Variants in VPS53 observed in about 807,000 individuals in gnomAD.
VPS53 encodes vacuolar protein sorting-associated protein 53 homolog.
A neutral mutation model predicts 107.0 loss-of-function variants in VPS53; 70 were observed. The observed-to-expected ratio is 0.65, with a 90% CI of 0.54 to 0.80. VPS53 has a LOEUF of 0.80. Ranked by LOEUF, VPS53 falls within the 30% of genes least tolerant of loss-of-function variation. The pLI, the probability that VPS53 is intolerant of heterozygous loss-of-function variation, is 0.00. For synonymous variants in VPS53, 409 were observed against 393.3 expected (o/e 1.04, Z -0.47); for missense variants, 917 against 1,049.4 (o/e 0.87, Z 1.74).
At chr17:571,127 A>T (rs1033960061) in intron 13 of VPS53, among the ~76,000 whole-genome samples, 1 of 151,868 alleles carries the variant, frequency 6.6e-6, no homozygotes, top group African/African-American at 2.4e-5. Context: ...AGCCCGAGCA[A>T]CATGGTGAGA....
chr17:683,643 T>C (rs142753632), intron 4 of VPS53, among the ~76,000 whole-genome samples: 32 of 152,362 alleles, frequency 2.1e-4, no homozygotes, highest in African/African-American at 7.0e-4. Flanking sequence ...TTACTGTCTT[T>C]ATGTATCCTA....
rs553164443 is a variant in VPS53 at position 698,352 on chromosome 17, G to A, written c.219-868C>T. On this transcript the variant is annotated intron_variant, in intron 3 of 21. Coordinates refer to ENST00000437048, the MANE Select transcript of VPS53 (RefSeq NM_001128159.3). Reference sequence around the variant, plus strand: ...GGTGGCTGAGGCTCAAGAATTGCTCGAACCTGGGAGGTGGAGATTACAGTA... The same window carrying A: ...GGTGGCTGAGGCTCAAGAATTGCTCAAACCTGGGAGGTGGAGATTACAGTA... Among the ~76,000 whole-genome samples the A allele has an allele frequency of 9.3e-5, 14 of 150,904 alleles. No individual in the cohort carries two copies. The South Asian group carries it at 2.5e-3, about 27-fold the overall frequency.
At chr17:599,372 T>C (rs1018736746) in intron 12 of VPS53, among the ~76,000 whole-genome samples, 2 of 152,082 alleles carry the variant, frequency 1.3e-5, no homozygotes, top group African/African-American at 4.8e-5. Flanking sequence ...TAGAGAGAAG[T>C]AGACATGGGA....
chr17:593,040 G>C (rs534487774), intron 12 of VPS53, among the ~76,000 whole-genome samples: 339 of 152,056 alleles, frequency 2.2e-3, no homozygotes, highest in African/African-American at 7.5e-3. Context: ...ACAAACCTGA[G>C]AAAAACAAGA....
intron 11 of VPS53, among the ~76,000 whole-genome samples, chr17:609,971 T>TA (rs879687495): frequency 1.4e-4 from 21 of 146,520 alleles, no homozygotes; most frequent in Non-Finnish European, 2.1e-4. Flanking sequence ...ACTAAAAATA[T>TA]AAAAAAAAAA....
At chr17:605,927 G>A (rs968303501) in intron 11 of VPS53, among the ~76,000 whole-genome samples, 2 of 152,162 alleles carry the variant, frequency 1.3e-5, no homozygotes, top group Non-Finnish European at 2.9e-5. Context: ...ACAGCGAAGT[G>A]ATGTGATCTA....
chr17:584,695 A>T (rs543181163), intron 13 of VPS53, among the ~76,000 whole-genome samples: 19 of 151,970 alleles, frequency 1.3e-4, no homozygotes, highest in African/African-American at 2.4e-4. Context: ...TAGTTTTTTT[A>T]AAAAAATTAT....
intron 7 of VPS53, chr17:632,898 A>C (rs1328570324): frequency 1.3e-5 from 5 of 397,546 alleles, no homozygotes; most frequent in Non-Finnish European, 2.5e-5. Flanking sequence ...AATGAAAAGA[A>C]TGTTTTCTAA....
At chr17:643,494 T>C (rs191471068) in intron 7 of VPS53, among the ~76,000 whole-genome samples, 13 of 100,086 alleles carry the variant, frequency 1.3e-4, no homozygotes, top group South Asian at 3.2e-4. Context: ...TACTTGGAAA[T>C]CAAGGACAAC....
chr17:663,731 CCTT>C (rs1406075596), intron 4 of VPS53, among the ~76,000 whole-genome samples: 1 of 152,198 alleles, frequency 6.6e-6, no homozygotes, highest in Non-Finnish European at 1.5e-5. Flanking sequence ...GTCAGCATCT[CCTT>C]AATTCACTCC....
chr17:615,727 G>A (rs1184190795), intron 11 of VPS53, among the ~76,000 whole-genome samples: 1 of 152,204 alleles, frequency 6.6e-6, no homozygotes, highest in African/African-American at 2.4e-5. Flanking sequence ...AGCCAAAAAG[G>A]AGTTTCCAAA....
At chr17:540,678 G>C (rs1567608820) in intron 17 of VPS53, 1 of 152,132 alleles carries the variant, frequency 6.6e-6, no homozygotes, top group Non-Finnish European at 1.5e-5. Context: ...TTTTGTTTTG[G>C]GGGCTTGGGT....
Position 524,785 on chromosome 17 carries a change from G to C in VPS53, c.2086-3047C>G, listed in dbSNP as rs972753387. Among the ~76,000 whole-genome samples, 11 of 152,204 alleles carry C rather than the reference G, an allele frequency of 7.2e-5. No homozygotes were observed. Among genetic ancestry groups the C allele is most frequent in the African/African-American group, 2.4e-4 (10 of 41,452 alleles). On this transcript the variant is annotated intron_variant, in intron 19 of 21. Coordinates refer to ENST00000437048, the MANE Select transcript of VPS53 (RefSeq NM_001128159.3). The surrounding 1 kb of genome is among the most constrained non-coding windows in gnomAD (Gnocchi z 4.5). ...AATGTACACCGTAATACACCCATCAGAGTCAGAAGTAAACAGGTTGATAAT... is the reference window on the plus strand; with the variant it reads ...AATGTACACCGTAATACACCCATCACAGTCAGAAGTAAACAGGTTGATAAT...
intron 12 of VPS53, among the ~76,000 whole-genome samples, chr17:587,000 T>C (rs372664032): frequency 1.3e-5 from 2 of 152,286 alleles, no homozygotes; most frequent in African/African-American, 4.8e-5. Context: ...TAGAGGATTG[T>C]TAACTTTATT....
chr17:572,653 C>T (rs1347919486), intron 13 of VPS53, among the ~76,000 whole-genome samples: 1 of 151,582 alleles, frequency 6.6e-6, no homozygotes, highest in Non-Finnish European at 1.5e-5. Context: ...AAGAAGTAGA[C>T]ATGGGAAACT....
chr17:692,967 C>G (rs2143874565), intron 4 of VPS53, among the ~76,000 whole-genome samples: 1 of 152,308 alleles, frequency 6.6e-6, no homozygotes, highest in Admixed American at 6.5e-5. Context: ...AATCCCGTCT[C>G]TACTAAAAAT....
intron 12 of VPS53, among the ~76,000 whole-genome samples, chr17:589,165 C>T (rs1445716166): frequency 6.6e-6 from 1 of 151,594 alleles, no homozygotes; most frequent in African/African-American, 2.4e-5. Flanking sequence ...TGTGAATTTA[C>T]ATAATACAGA....
intron 11 of VPS53, among the ~76,000 whole-genome samples, chr17:604,281 G>C (rs931610001): frequency 1.3e-5 from 2 of 152,122 alleles, no homozygotes; most frequent in Non-Finnish European, 2.9e-5. Flanking sequence ...AGGGTAGGAA[G>C]AAGTCAAACC....
chr17:708,508 C>G (rs2144009472), intron 2 of VPS53, among the ~76,000 whole-genome samples: 1 of 152,322 alleles, frequency 6.6e-6, no homozygotes, highest in South Asian at 2.1e-4. Flanking sequence ...GGAGCATGAC[C>G]ACTGAAGCAC....
Sources: gnomAD v4.1 joint callset for allele counts (sites outside exome capture counted in the v4.1 genomes callset) on GRCh38, gnomAD v4.1.1 for gene constraint, Gnocchi (gnomAD v3.1) non-coding constraint, MANE v1.5 for transcripts, NCBI Gene and HGNC (gene_info 2026-07-23, HGNC 2026-07-21) for gene names.